The following PPFIA2 variants were observed in gnomAD, a reference collection of about 807,000 sequenced individuals.
PPFIA2 encodes PPFI scaffold protein A2.
In PPFIA2, 46 loss-of-function variants were observed where a neutral mutation model predicts 175.5. The observed-to-expected ratio is 0.26, with a 90% CI of 0.21 to 0.34. PPFIA2 has a LOEUF of 0.34. Among genes scored for constraint, PPFIA2 ranks in the 10% least tolerant of loss-of-function variants. The pLI, the probability that PPFIA2 is intolerant of heterozygous loss-of-function variation, is 1.00. For missense variants in PPFIA2, 1,179 were observed against 1,506.1 expected (o/e 0.78, Z 3.60); for synonymous variants, 568 against 511.4 (o/e 1.11, Z -1.49).
chr12:81,331,776 T>G (rs2056178696), intron 21 of PPFIA2, among the ~76,000 whole-genome samples: 1 of 152,216 alleles, frequency 6.6e-6, no homozygotes, highest in African/African-American at 2.4e-5. Flanking sequence ...TGGCTCTATT[T>G]GATCACTCCC....
intron 3 of PPFIA2, among the ~76,000 whole-genome samples, chr12:81,678,751 T>C (rs2073054489): frequency 6.6e-6 from 1 of 151,880 alleles, no homozygotes; most frequent in African/African-American, 2.4e-5. Flanking sequence ...TTTAAGTCCT[T>C]GATTGTATCA....
intron 22 of PPFIA2, among the ~76,000 whole-genome samples, chr12:81,303,229 A>G (rs2048307198): frequency 6.6e-6 from 1 of 152,192 alleles, no homozygotes. Flanking sequence ...TTTAACTATG[A>G]AAATTACTCT....
chr12:81,274,037 G>A (rs1052088295), intron 28 of PPFIA2, among the ~76,000 whole-genome samples: 14 of 152,014 alleles, frequency 9.2e-5, no homozygotes, highest in African/African-American at 2.9e-4. Flanking sequence ...TTCCATTGAG[G>A]TTTTCAGACC....
intron 20 of PPFIA2, among the ~76,000 whole-genome samples, chr12:81,340,563 T>G (rs1411965693): frequency 1.3e-5 from 2 of 152,054 alleles, no homozygotes; most frequent in African/African-American, 4.8e-5. Flanking sequence ...AGACTTATCT[T>G]TTTATTTAAT....
intron 4 of PPFIA2, among the ~76,000 whole-genome samples, chr12:81,580,385 T>G (rs2074226230): frequency 6.6e-6 from 1 of 151,842 alleles, no homozygotes; most frequent in South Asian, 2.1e-4. Context: ...CTATAAGGAT[T>G]CCATACTAAT....
At chr12:81,592,125 C>T (rs1443497737) in intron 4 of PPFIA2, among the ~76,000 whole-genome samples, 1 of 152,128 alleles carries the variant, frequency 6.6e-6, no homozygotes, top group African/African-American at 2.4e-5. Context: ...GATTTGACTG[C>T]CCTGCTGGAT....
intron 22 of PPFIA2, chr12:81,312,088 T>A (rs2051053148): frequency 6.9e-7 from 1 of 1,445,002 alleles, no homozygotes; most frequent in African/African-American, 1.4e-5. Flanking sequence ...AAAAGAGTAA[T>A]ACTCTGAAAA....
At chr12:81,548,730 G>A (rs572654093) in intron 4 of PPFIA2, among the ~76,000 whole-genome samples, 7 of 152,110 alleles carry the variant, frequency 4.6e-5, no homozygotes, top group East Asian at 1.9e-4. Context: ...AAAAATGCAC[G>A]TAGCCTTCAG....
At position 81,461,305 on chromosome 12, in the gene PPFIA2, G is replaced by A. The variant is rs541345609; in HGVS notation, c.304-3439C>T. Among the ~76,000 whole-genome samples the A allele has an allele frequency of 5.4e-4, 82 of 152,100 alleles. 1 individual carries two copies. The highest frequency in any genetic ancestry group is 1.9e-3 in the African/African-American group (77 of 41,524). Reference sequence around the variant, plus strand: ...GATGAATAACTTGTTCAAGGTCACCGCTCAATATGACCCACTTTGATTCTA... The same window carrying A: ...GATGAATAACTTGTTCAAGGTCACCACTCAATATGACCCACTTTGATTCTA... On this transcript the variant is annotated intron_variant, in intron 4 of 32. Transcript: ENST00000549396.
intron 4 of PPFIA2, among the ~76,000 whole-genome samples, chr12:81,501,609 C>T (rs1489027696): frequency 6.6e-6 from 1 of 151,836 alleles, no homozygotes; most frequent in Non-Finnish European, 1.5e-5. Context: ...TGAATAGACA[C>T]ATCATTATTG....
chr12:81,481,887 A>G (rs774408232), intron 4 of PPFIA2, among the ~76,000 whole-genome samples: 10 of 152,236 alleles, frequency 6.6e-5, no homozygotes, highest in Non-Finnish European at 1.2e-4. Context: ...CAAAATTGAT[A>G]AATGGGAGCT....
chr12:81,659,085 G>A (rs774332969), intron 4 of PPFIA2, among the ~76,000 whole-genome samples: 12 of 151,946 alleles, frequency 7.9e-5, no homozygotes, highest in East Asian at 5.8e-4. Context: ...AACGGAGGGC[G>A]GTTCCAAGAT....
intron 4 of PPFIA2, among the ~76,000 whole-genome samples, chr12:81,574,094 T>A (rs1210689770): frequency 6.6e-6 from 1 of 151,834 alleles, no homozygotes; most frequent in Non-Finnish European, 1.5e-5. Context: ...AATGTAACAA[T>A]ACAAAAATAG....
intron 3 of PPFIA2, among the ~76,000 whole-genome samples, chr12:81,681,565 C>T (rs1378627140): frequency 6.6e-6 from 1 of 151,956 alleles, no homozygotes; most frequent in African/African-American, 2.4e-5. Flanking sequence ...TCGCCTGCAC[C>T]TTTGCTCCCT....
chr12:81,544,941 A>T (rs1018975569), intron 4 of PPFIA2, among the ~76,000 whole-genome samples: 7 of 152,210 alleles, frequency 4.6e-5, no homozygotes, highest in African/African-American at 1.4e-4. Context: ...ACTACAAATA[A>T]TATAACACCA....
intron 27 of PPFIA2, among the ~76,000 whole-genome samples, chr12:81,278,764 G>A (rs959221893): frequency 2.0e-5 from 3 of 152,154 alleles, no homozygotes; most frequent in East Asian, 3.9e-4. Context: ...TGCAGAAGAT[G>A]TGATAGGAAA....
intron 7 of PPFIA2, among the ~76,000 whole-genome samples, chr12:81,433,589 A>G (rs1252851814): frequency 1.3e-5 from 2 of 152,212 alleles, no homozygotes; most frequent in Non-Finnish European, 2.9e-5. Context: ...TTGAAAGACG[A>G]AACAACTTGT....
intron 4 of PPFIA2, among the ~76,000 whole-genome samples, chr12:81,499,718 C>T (rs910032789): frequency 2.0e-5 from 3 of 151,884 alleles, no homozygotes; most frequent in Non-Finnish European, 4.4e-5. Context: ...TGAGTAGAGA[C>T]CACAGGTCAT....
intron 8 of PPFIA2, among the ~76,000 whole-genome samples, chr12:81,399,788 C>T (rs1183820926): frequency 2.6e-5 from 4 of 152,028 alleles, no homozygotes; most frequent in African/African-American, 7.2e-5. Flanking sequence ...ACATTCAAGT[C>T]GTTATGTTTT....
Sources: gnomAD v4.1 joint callset for allele counts (sites outside exome capture counted in the v4.1 genomes callset) on GRCh38, gnomAD v4.1.1 for gene constraint, MANE v1.5 for transcripts, NCBI Gene and HGNC (gene_info 2026-07-23, HGNC 2026-07-21) for gene names.